Variants in ACTL6B observed in about 807,000 individuals in gnomAD.
The protein encoded by ACTL6B is actin like 6B.
ACTL6B carries 48 observed loss-of-function variants against 63.3 expected under a neutral mutation model. That is an observed-to-expected ratio of 0.76 (90% confidence interval 0.60 to 0.96). The LOEUF is 0.96. Among genes scored for constraint, ACTL6B ranks in the 50% least tolerant of loss-of-function variants. The pLI is 0.00. For missense variants in ACTL6B, 350 were observed against 572.2 expected (o/e 0.61, Z 3.96); for synonymous variants, 230 against 223.8 (o/e 1.03, Z -0.25).
Position 100,650,061 on chromosome 7 carries a change from T to G in ACTL6B, c.444A>C (p.Leu148Phe). ...ACGCGGTGAGCACAGCCGTCTTGCATAAGAAGAAGGCAGGAATGTTGTACT... is the reference window on the plus strand; with the variant it reads ...ACGCGGTGAGCACAGCCGTCTTGCAGAAGAAGAAGGCAGGAATGTTGTACT... ...FEQYNIPAFFLCKTAVLTAFA... is the reference protein window; with the variant it reads ...FEQYNIPAFFFCKTAVLTAFA... Residue 148 changes from leucine to phenylalanine, a missense_variant, in exon 5 of 14, where the codon TTA (leucine) becomes TTC (phenylalanine). Leu to Phe is a conservative substitution (Grantham distance 22). Coordinates refer to ENST00000160382, the MANE Select transcript of ACTL6B (RefSeq NM_016188.5). 1 of 1,613,914 alleles carries G rather than the reference T, an allele frequency of 6.2e-7. No individual in the cohort carries two copies. Among genetic ancestry groups the G allele is most frequent in the East Asian group, 2.2e-5 (1 of 44,868 alleles).
Position 100,656,369 on chromosome 7 carries a change from T to C in ACTL6B, c.-15A>G, listed in dbSNP as rs771092378. The C allele has an allele frequency of 4.5e-6, 6 of 1,337,120 alleles. No individual in the cohort carries two copies. The highest frequency in any genetic ancestry group is 1.8e-5 in the South Asian group (1 of 54,288). 82.8% of individuals were successfully genotyped at this position (1,337,120 alleles called of 1,614,324 possible). ...CCCCCGCTCATAGTGCCCGCTGCGC[T>C]GCTAGCGGCCCGTGGGCGGTGGCGG... On this transcript the variant is annotated 5_prime_UTR_variant, in exon 1 of 14. Transcript: ENST00000160382.
chr7:100,654,647 T>A (rs1307139511), intron 4 of ACTL6B, among the ~76,000 whole-genome samples: 2 of 151,582 alleles, frequency 1.3e-5, no homozygotes, highest in Non-Finnish European at 2.9e-5. Flanking sequence ...CCAGGCGTGG[T>A]GGCGGGTGCC....
Position 100,647,162 on chromosome 7 carries a change from C to A in ACTL6B, c.821+61G>T. On this transcript the variant is annotated intron_variant, in intron 9 of 13. Transcript: ENST00000160382. The surrounding 1 kb of genome is among the most constrained non-coding windows in gnomAD (Gnocchi z 4.4). ...CGTGGGCAGCACCAGAGCCCCCCAG[C>A]CCACCCCAAGAGTGCCGGTTCTGCC... 8.6e-7 allele frequency: 1 copy of A among 1,163,532 alleles called. No homozygotes were observed. The highest frequency in any genetic ancestry group is 1.3e-6 in the Non-Finnish European group (1 of 784,838). 72.1% of individuals were successfully genotyped at this position (1,163,532 alleles called of 1,614,324 possible). A position where few individuals can be genotyped will look rare whatever the true frequency, so the allele number is the denominator to read the frequency against.
rs1373783639 is a variant in ACTL6B, at chr7:100,643,260, G to A, written c.1267C>T (p.Arg423Ter). ...GAGGAGTGCCATCAGGGGCACTTTC[G>A]CTCCACGCACTGCTTCCCGCCCTCC... ...YEEGGKQCVE[R>*]KCP Residue 423 changes from arginine (R) to a stop codon, truncating the protein, a stop_gained, in exon 14 of 14, where the codon CGA becomes TGA. Coordinates refer to ENST00000160382, the MANE Select transcript of ACTL6B (RefSeq NM_016188.5). LOFTEE classifies it high-confidence loss of function. 3.7e-6 allele frequency: 6 copies of A among 1,614,056 alleles called. No individual in the cohort carries two copies. Among genetic ancestry groups the A allele is most frequent in the Admixed American group, 1.7e-5 (1 of 60,006 alleles).
chr7:100,646,200 C>G lies in ACTL6B; in HGVS notation c.1200+49G>C, dbSNP rs1256072891. On this transcript the variant is annotated intron_variant, in intron 13 of 13. Transcript: ENST00000160382. The surrounding 1 kb of genome is among the most constrained non-coding windows in gnomAD (Gnocchi z 6.1). Reference sequence around the variant, plus strand: ...TCAAAGTGGCGGGCACTGTCTGGGTCTCCCCTCTCCCCCACAGTCAGTGCT... The same window carrying G: ...TCAAAGTGGCGGGCACTGTCTGGGTGTCCCCTCTCCCCCACAGTCAGTGCT... 1.3e-6 allele frequency: 2 copies of G among 1,502,288 alleles called. No individual in the cohort carries two copies. Among genetic ancestry groups the G allele is most frequent in the Non-Finnish European group, 1.8e-6 (2 of 1,096,176 alleles). The allele number at this position is 1,502,288 out of a possible 1,614,324, so 93.1% of individuals were successfully genotyped here.
At chr7:100,653,289 A>G (rs1803976614) in intron 4 of ACTL6B, among the ~76,000 whole-genome samples, 1 of 152,240 alleles carries the variant, frequency 6.6e-6, no homozygotes, top group African/African-American at 2.4e-5. Context: ...TCTGCAAAAG[A>G]TTCTCTTAAA....
At position 100,647,193 on chromosome 7, in the gene ACTL6B, TC is replaced by T; in HGVS notation, c.821+29del. The stretch of plus-strand genomic sequence containing the variant: ...CCAAGAGTGCCGGTTCTGCCCTCTC[TC>T]CCACCCCAAAGCCCTGAGCCACACT... On this transcript the variant is annotated intron_variant, in intron 9 of 13. Transcript: ENST00000160382. This position sits in a 1 kb window ranked among gnomAD's most constrained non-coding sequence, Gnocchi z 4.4. 6.9e-7 allele frequency: 1 copy of T among 1,445,104 alleles called. No homozygotes were observed. Among genetic ancestry groups the T allele is most frequent in the Non-Finnish European group, 9.6e-7 (1 of 1,045,290 alleles). 89.5% of individuals were successfully genotyped at this position (1,445,104 alleles called of 1,614,324 possible).
At chr7:100,650,184 A>T in intron 4 of ACTL6B, 49 bp from the exon 5 acceptor site, 1 of 1,545,104 alleles carries the variant, frequency 6.5e-7, no homozygotes, top group Non-Finnish European at 8.9e-7. Context: ...AGAGGCACAG[A>T]CCCACATCCA....
At chr7:100,654,946 G>C (rs1713707324) in intron 4 of ACTL6B, 73 bp downstream of exon 4, 1 of 1,280,766 alleles carries the variant, frequency 7.8e-7, no homozygotes, top group South Asian at 1.3e-5. Flanking sequence ...GAGGGGAGAG[G>C]AGGAGAGGTG....
rs1404072259 is a variant in ACTL6B at position 100,650,141 on chromosome 7, G to C, written c.370-6C>G. 1.2e-6 allele frequency: 2 copies of C among 1,613,350 alleles called. No individual in the cohort carries two copies. Among genetic ancestry groups the C allele is most frequent in the East Asian group, 2.2e-5 (1 of 44,888 alleles). On this transcript the variant is annotated splice_region_variant and splice_polypyrimidine_tract_variant and intron_variant, in intron 4 of 13. Coordinates refer to ENST00000160382, the MANE Select transcript of ACTL6B (RefSeq NM_016188.5). ...CGCTTGGCCCGTGTGTTCCACTGTG[G>C]AGAAAGTGCAGAGGGGGAGGATTCA...
intron 4 of ACTL6B, among the ~76,000 whole-genome samples, chr7:100,653,926 A>T (rs539020703): frequency 5.3e-5 from 8 of 152,258 alleles, no homozygotes; most frequent in Admixed American, 1.3e-4. Context: ...TTTTATAAAG[A>T]GGAATTTATA....
intron 5 of ACTL6B, 23 bp downstream of exon 5, chr7:100,650,015 G>T: frequency 6.2e-7 from 1 of 1,609,972 alleles, no homozygotes; most frequent in South Asian, 1.1e-5. Flanking sequence ...CACCCAGTCA[G>T]AGCAGCTCAG....
chr7:100,644,153 G>C (rs1005974090), intron 13 of ACTL6B, among the ~76,000 whole-genome samples: 3 of 152,178 alleles, frequency 2.0e-5, no homozygotes, highest in Admixed American at 6.6e-5. Flanking sequence ...GCCCGCCTCG[G>C]CCTCCCAAAG....
rs779550102 is a variant in ACTL6B, at chr7:100,647,507, TG to T, written c.695del (p.Pro232GlnfsTer24). 8.1e-6 allele frequency: 13 copies of T among 1,608,302 alleles called. No individual in the cohort carries two copies. The highest frequency in any genetic ancestry group is 4.5e-5 in the South Asian group (4 of 89,886). ...AKEPVREGAP[P>X]NWKKKEKLPQ... ...GTAGCTTCTCCTTCTTCTTCCAGTTTGGGGGGGCACCCTCCCGGACAGGCTC... is the reference window on the plus strand; with the variant it reads ...GTAGCTTCTCCTTCTTCTTCCAGTTTGGGGGGCACCCTCCCGGACAGGCTC... On this transcript the variant is annotated frameshift_variant, in exon 8 of 14. Transcript: ENST00000160382. LOFTEE classifies it high-confidence loss of function. The surrounding 1 kb of genome is among the most constrained non-coding windows in gnomAD (Gnocchi z 4.4).
chr7:100,651,258 T>A (rs1803934134), intron 4 of ACTL6B, among the ~76,000 whole-genome samples: 1 of 152,158 alleles, frequency 6.6e-6, no homozygotes, highest in Admixed American at 6.6e-5. Flanking sequence ...ATTTTAAATT[T>A]TTTTTTTAGA....
In ACTL6B at chr7:100,646,863, C is replaced by T. The variant is rs1044018229; in HGVS notation, c.937-32G>A. 1.9e-6 allele frequency: 3 copies of T among 1,604,946 alleles called. No individual in the cohort carries two copies. Among genetic ancestry groups the T allele is most frequent in the East Asian group, 2.2e-5 (1 of 44,776 alleles). Reference sequence around the variant, plus strand: ...AGAGAGGTGACTGGGGCTGTGGGCTCTCTCCCCCTTCCCCCCAGACCCCTG... The same window carrying T: ...AGAGAGGTGACTGGGGCTGTGGGCTTTCTCCCCCTTCCCCCCAGACCCCTG... On this transcript the variant is annotated intron_variant, in intron 10 of 13. Coordinates refer to ENST00000160382, the MANE Select transcript of ACTL6B (RefSeq NM_016188.5). The surrounding 1 kb of genome is among the most constrained non-coding windows in gnomAD (Gnocchi z 6.1).
rs1341874331 is a variant in ACTL6B at position 100,647,099 on chromosome 7, A to G, written c.822-14T>C. On this transcript the variant is annotated splice_polypyrimidine_tract_variant and intron_variant, in intron 9 of 13. Coordinates refer to ENST00000160382, the MANE Select transcript of ACTL6B (RefSeq NM_016188.5). This position sits in a 1 kb window ranked among gnomAD's most constrained non-coding sequence, Gnocchi z 4.4. ...TGTGCAGCCACCCTACCCAGAAGGG[A>G]GCAGGACTCTGCCTGGGGTGCTCAA... 1.2e-6 allele frequency: 2 copies of G among 1,613,504 alleles called. No homozygotes were observed. The highest frequency in any genetic ancestry group is 8.5e-7 in the Non-Finnish European group (1 of 1,179,560).
At position 100,648,480 on chromosome 7, in the gene ACTL6B, A is replaced by G. The variant is rs978609785; in HGVS notation, c.669+76T>C. On this transcript the variant is annotated intron_variant, in intron 7 of 13. Transcript: ENST00000160382. This position sits in a 1 kb window ranked among gnomAD's most constrained non-coding sequence, Gnocchi z 4.4. ...CTGCTGCTCTCTGCTCTGATATCTC[A>G]TGTGTCAGAGGGTTGACGGCCATGG... is the stretch of plus-strand genomic sequence containing the variant. The G allele has an allele frequency of 1.6e-6, 2 of 1,268,544 alleles. No homozygotes were observed. Among genetic ancestry groups the G allele is most frequent in the Non-Finnish European group, 1.1e-6 (1 of 929,444 alleles). 78.6% of individuals were successfully genotyped at this position (1,268,544 alleles called of 1,614,324 possible).
At position 100,655,709 on chromosome 7, in the gene ACTL6B, G is replaced by T; in HGVS notation, c.102+94C>A. ...TATTCCCATATTCCCGCTCAGCAGA[G>T]CTTCTGGGCGATCTGGGAGAGCCCT... is the stretch of plus-strand genomic sequence containing the variant. On this transcript the variant is annotated intron_variant, in intron 2 of 13. Transcript: ENST00000160382. The surrounding 1 kb of genome is among the most constrained non-coding windows in gnomAD (Gnocchi z 4.4). 2 of 1,511,702 alleles carry T rather than the reference G, an allele frequency of 1.3e-6. No homozygotes were observed. Among genetic ancestry groups the T allele is most frequent in the African/African-American group, 2.8e-5 (2 of 71,854 alleles). The allele number at this position is 1,511,702 out of a possible 1,614,324, so 93.6% of individuals were successfully genotyped here.
Sources: gnomAD v4.1 joint callset for allele counts (sites outside exome capture counted in the v4.1 genomes callset) on GRCh38, gnomAD v4.1.1 for gene constraint, Gnocchi (gnomAD v3.1) non-coding constraint, MANE v1.5 for transcripts, NCBI Gene and HGNC (gene_info 2026-07-23, HGNC 2026-07-21) for gene names.